KSR2: variants seen among roughly 807,000 people sequenced by gnomAD.
KSR2 encodes the protein kinase suppressor of ras 2.
Under a neutral mutation model 107.8 loss-of-function variants are expected in KSR2, and 25 were observed. That is an observed-to-expected ratio of 0.23 (90% CI 0.17 to 0.32). The LOEUF is 0.32. Among genes scored for constraint, KSR2 ranks in the 10% least tolerant of loss-of-function variants. The probability of loss-of-function intolerance (pLI) is 1.00; values close to 1 mark genes in which losing one functional copy is unlikely to be tolerated. For synonymous variants in KSR2, 480 were observed against 507.0 expected, an observed-to-expected ratio of 0.95 and a Z score of 0.71; for missense variants, 887 against 1,268.9, an observed-to-expected ratio of 0.70 and a Z score of 4.57.
intron 7 of KSR2, among the ~76,000 whole-genome samples, chr12:117,570,160 G>A (rs576599566): frequency 1.5e-3 from 228 of 152,202 alleles, no homozygotes; most frequent in Non-Finnish European, 2.7e-3. Flanking sequence ...CTGCCACCGC[G>A]CCCGGCTAAT....
chr12:117,807,803 G>A (rs1385015301), intron 3 of KSR2, among the ~76,000 whole-genome samples: 1 of 152,240 alleles, frequency 6.6e-6, no homozygotes, highest in Non-Finnish European at 1.5e-5. Context: ...AGTAAGTGGA[G>A]ATAGGTAATT....
intron 4 of KSR2, among the ~76,000 whole-genome samples, chr12:117,752,495 A>C (rs1437445119): frequency 6.6e-6 from 1 of 152,234 alleles, no homozygotes; most frequent in Non-Finnish European, 1.5e-5. Flanking sequence ...GGAACTAGAT[A>C]TATTTCATAT....
At chr12:117,531,491 G>A (rs146406345) in intron 11 of KSR2, among the ~76,000 whole-genome samples, 175 bp downstream of exon 11, 1 of 152,014 alleles carries the variant, frequency 6.6e-6, no homozygotes, top group Non-Finnish European at 1.5e-5. Context: ...GTCCCACTGT[G>A]CCCACTCTTT....
intron 4 of KSR2, among the ~76,000 whole-genome samples, chr12:117,669,954 T>TTA (rs34680832): frequency 2.6e-5 from 4 of 151,098 alleles, no homozygotes; most frequent in African/African-American, 9.7e-5. Flanking sequence ...GTTGCTGAAA[T>TTA]AAAAAAAAAT....
At chr12:117,478,357 C>T (rs975292377) in intron 16 of KSR2, among the ~76,000 whole-genome samples, 1 of 152,094 alleles carries the variant, frequency 6.6e-6, no homozygotes, top group Admixed American at 6.5e-5. Flanking sequence ...ATGTGGCAGC[C>T]ACTAACCACC....
intron 3 of KSR2, among the ~76,000 whole-genome samples, chr12:117,774,893 T>A (rs531494238): frequency 6.6e-6 from 1 of 152,346 alleles, no homozygotes; most frequent in Admixed American, 6.5e-5. Flanking sequence ...ATTCCAGCTA[T>A]TTTATATGAA....
intron 1 of KSR2, among the ~76,000 whole-genome samples, chr12:117,952,984 CAAAAAAAA>C (rs33941668): frequency 9.9e-6 from 1 of 100,826 alleles, no homozygotes; most frequent in Non-Finnish European, 1.9e-5. Context: ...GACTCCATCT[CAAAAAAAA>C]AAAAAAAAAA....
At chr12:117,723,772 T>C (rs917372558) in intron 4 of KSR2, among the ~76,000 whole-genome samples, 5 of 152,160 alleles carry the variant, frequency 3.3e-5, no homozygotes, top group Admixed American at 3.3e-4. Flanking sequence ...ATCTGCACTA[T>C]TTCTTGTGAG....
intron 1 of KSR2, among the ~76,000 whole-genome samples, chr12:117,879,299 CCTTT>C (rs1168431226): frequency 2.0e-5 from 3 of 152,232 alleles, no homozygotes; most frequent in African/African-American, 4.8e-5. Flanking sequence ...TAAGAGTTCA[CCTTT>C]CTAAGTCTAA....
At chr12:117,508,098 AGTC>A in intron 14 of KSR2, among the ~76,000 whole-genome samples, 1 of 152,186 alleles carries the variant, frequency 6.6e-6, no homozygotes, top group African/African-American at 2.4e-5. Flanking sequence ...TGATTATTTT[AGTC>A]CTGCTGCCTG....
At chr12:117,593,437 T>C (rs888355220) in intron 5 of KSR2, among the ~76,000 whole-genome samples, 35 of 152,254 alleles carry the variant, frequency 2.3e-4, no homozygotes, top group African/African-American at 8.4e-4. Flanking sequence ...AATCTGCAAG[T>C]TGGGCTTGAC....
chr12:117,793,648 A>G (rs1890400308), intron 3 of KSR2, among the ~76,000 whole-genome samples: 1 of 147,038 alleles, frequency 6.8e-6, no homozygotes, highest in Non-Finnish European at 1.5e-5. Flanking sequence ...ATGCACATAT[A>G]CACCAATATG....
intron 1 of KSR2, among the ~76,000 whole-genome samples, chr12:117,892,299 T>G (rs113635028): frequency 0.013 from 1,982 of 152,288 alleles, 45 homozygotes; most frequent in African/African-American, 0.045. Flanking sequence ...AGCAAGACTC[T>G]GTCTCAAAAA....
chr12:117,703,778 G>A (rs1332307646), intron 4 of KSR2, among the ~76,000 whole-genome samples: 1 of 152,114 alleles, frequency 6.6e-6, no homozygotes, highest in Non-Finnish European at 1.5e-5. Context: ...TGCTCTGCCG[G>A]GGCATACGTC....
At chr12:117,599,522 A>C (rs889952384) in intron 5 of KSR2, among the ~76,000 whole-genome samples, 2 of 152,006 alleles carry the variant, frequency 1.3e-5, no homozygotes, top group Non-Finnish European at 2.9e-5. Context: ...GAATTTCCCA[A>C]CCTCAGCACT....
At chr12:117,718,272 G>A (rs1313315364) in intron 4 of KSR2, among the ~76,000 whole-genome samples, 1 of 152,144 alleles carries the variant, frequency 6.6e-6, no homozygotes, top group Non-Finnish European at 1.5e-5. Flanking sequence ...TAAAGTTTGG[G>A]AATGCAAAGA....
intron 5 of KSR2, among the ~76,000 whole-genome samples, chr12:117,604,848 G>A (rs748631471): frequency 6.6e-6 from 1 of 152,126 alleles, no homozygotes; most frequent in Non-Finnish European, 1.5e-5. Flanking sequence ...GAGGTGGCCC[G>A]CTGCTCAGCT....
intron 1 of KSR2, among the ~76,000 whole-genome samples, chr12:117,924,816 C>A (rs1895460483): frequency 6.6e-6 from 1 of 152,070 alleles, no homozygotes; most frequent in Non-Finnish European, 1.5e-5. Flanking sequence ...AAGTCAACTG[C>A]AGCAAGACAT....
chr12:117,876,088 G>C (rs1893838916), intron 1 of KSR2, among the ~76,000 whole-genome samples: 1 of 152,182 alleles, frequency 6.6e-6, no homozygotes, highest in African/African-American at 2.4e-5. Context: ...GTCCCTGGTT[G>C]TGTTATTAAG....
Sources: gnomAD v4.1 joint callset for allele counts (sites outside exome capture counted in the v4.1 genomes callset) on GRCh38, gnomAD v4.1.1 for gene constraint, MANE v1.5 for transcripts, NCBI Gene and HGNC (gene_info 2026-07-23, HGNC 2026-07-21) for gene names.